Variants in CREB3L2 observed in about 807,000 individuals in gnomAD.
CREB3L2 encodes the protein cAMP responsive element binding protein 3 like 2, also known as cyclic AMP-responsive element-binding protein 3-like protein 2.
Under a neutral mutation model 57.2 loss-of-function variants are expected in CREB3L2, and 23 were observed. The observed-to-expected ratio is 0.40, with a 90% CI of 0.29 to 0.57. The LOEUF (loss-of-function observed/expected upper bound fraction) is 0.57. Among genes scored for constraint, CREB3L2 ranks in the 20% least tolerant of loss-of-function variants. The pLI, the probability that CREB3L2 is intolerant of heterozygous loss-of-function variation, is 0.42. For missense variants in CREB3L2, 628 were observed against 634.7 expected (o/e 0.99, Z 0.11); for synonymous variants, 268 against 265.1 (o/e 1.01, Z -0.11).
chr7:137,931,250 C>T (rs528586703), intron 1 of CREB3L2, among the ~76,000 whole-genome samples: 4 of 149,476 alleles, frequency 2.7e-5, no homozygotes, highest in East Asian at 2.0e-4. Flanking sequence ...AGGCCAAGCA[C>T]GGTGGTTCAC....
Position 137,880,591 on chromosome 7 carries a change from A to G in CREB3L2, c.1488-40T>C. 6.8e-7 allele frequency: 1 copy of G among 1,476,628 alleles called. No individual in the cohort carries two copies. Among genetic ancestry groups the G allele is most frequent in the Non-Finnish European group, 9.5e-7 (1 of 1,056,166 alleles). The allele number at this position is 1,476,628 out of a possible 1,614,324, so 91.5% of individuals were successfully genotyped here. Reference sequence around the variant, plus strand: ...AAAGGAAAACGAAGTATTAGTCACCAGCTGTTAGCTACAATTCTCATGCTT... The same window carrying G: ...AAAGGAAAACGAAGTATTAGTCACCGGCTGTTAGCTACAATTCTCATGCTT... On this transcript the variant is annotated intron_variant, in intron 11 of 11. Transcript: ENST00000330387. The surrounding 1 kb of genome is among the most constrained non-coding windows in gnomAD (Gnocchi z 4.0).
chr7:137,891,265 T>TAGGGCCCATA (rs1401971438), intron 8 of CREB3L2, among the ~76,000 whole-genome samples: 1 of 152,186 alleles, frequency 6.6e-6, no homozygotes, highest in Non-Finnish European at 1.5e-5. Context: ...TTGGGAGGCA[T>TAGGGCCCATA]ATCAAAGGAA....
intron 1 of CREB3L2, among the ~76,000 whole-genome samples, chr7:138,000,177 T>A (rs1198873937): frequency 6.6e-6 from 1 of 152,202 alleles, no homozygotes; most frequent in Admixed American, 6.5e-5. Context: ...GAAAGAATAC[T>A]TCAAGAACAA....
At chr7:137,929,870 A>G (rs887540956) in intron 1 of CREB3L2, among the ~76,000 whole-genome samples, 5 of 149,700 alleles carry the variant, frequency 3.3e-5, no homozygotes, top group African/African-American at 7.3e-5. Flanking sequence ...CTCCATCTCA[A>G]AATAAATAAA....
At chr7:137,998,485 T>C (rs1047802554) in intron 1 of CREB3L2, among the ~76,000 whole-genome samples, 1 of 152,222 alleles carries the variant, frequency 6.6e-6, no homozygotes, top group South Asian at 2.1e-4. Context: ...TCTTATTCAG[T>C]TCCTTCTCTT....
chr7:137,888,270 T>G (rs540041351), intron 8 of CREB3L2, among the ~76,000 whole-genome samples: 1 of 152,296 alleles, frequency 6.6e-6, no homozygotes, highest in Admixed American at 6.5e-5. Context: ...CAGCACCATT[T>G]TCTTTAAAAG....
chr7:137,969,076 G>A (rs1801456103), intron 1 of CREB3L2, among the ~76,000 whole-genome samples: 1 of 152,098 alleles, frequency 6.6e-6, no homozygotes, highest in African/African-American at 2.4e-5. Flanking sequence ...AGTCAGGAAG[G>A]GCAGAGAGCT....
chr7:137,915,567 C>T (rs1240123422), intron 3 of CREB3L2, among the ~76,000 whole-genome samples: 1 of 152,006 alleles, frequency 6.6e-6, no homozygotes, highest in East Asian at 1.9e-4. Context: ...TAGATATTTT[C>T]TGTGTTTTTT....
chr7:137,963,936 C>T (rs1389182191), intron 1 of CREB3L2, among the ~76,000 whole-genome samples: 1 of 152,068 alleles, frequency 6.6e-6, no homozygotes, highest in East Asian at 1.9e-4. Context: ...GATGACAACA[C>T]CAAAGTAAGA....
At chr7:137,901,889 A>G (rs1231857199) in intron 7 of CREB3L2, among the ~76,000 whole-genome samples, 6 of 148,744 alleles carry the variant, frequency 4.0e-5, no homozygotes, top group South Asian at 2.1e-4. Flanking sequence ...AAAAAAAAAA[A>G]AAAGAAAAAT....
intron 1 of CREB3L2, among the ~76,000 whole-genome samples, chr7:137,951,615 G>T (rs1376571434): frequency 6.6e-6 from 1 of 152,134 alleles, no homozygotes; most frequent in Non-Finnish European, 1.5e-5. Flanking sequence ...AATTATTGGC[G>T]AAATGTCTGT....
chr7:137,920,566 A>G (rs77159727), intron 2 of CREB3L2, among the ~76,000 whole-genome samples: 16 of 152,346 alleles, frequency 1.1e-4, no homozygotes, highest in African/African-American at 3.8e-4. Flanking sequence ...CAACAGAGCT[A>G]GCTGATACAA....
intron 1 of CREB3L2, among the ~76,000 whole-genome samples, chr7:137,933,317 C>T (rs1343422855): frequency 6.6e-6 from 1 of 152,202 alleles, no homozygotes; most frequent in Non-Finnish European, 1.5e-5. Context: ...GCTGTGCTGG[C>T]CACTAAAGCT....
At chr7:137,905,648 T>G in intron 6 of CREB3L2, 54 bp downstream of exon 6, 2 of 1,591,718 alleles carry the variant, frequency 1.3e-6, no homozygotes, top group South Asian at 1.1e-5. Context: ...AAAGGGATGC[T>G]GACTCGATTC....
rs1172682998 is a variant in CREB3L2, at chr7:137,879,915, G to A, written c.*561C>T. On this transcript the variant is annotated 3_prime_UTR_variant, in exon 12 of 12. Transcript: ENST00000330387. ...CCTGAGAATATGAACGAGAGCCCTC[G>A]CCTGCCAGTGCTGCTGCAGGAGACG... 1.3e-5 allele frequency: 3 copies of A among 235,342 alleles called. No homozygotes were observed. The highest frequency in any genetic ancestry group is 2.5e-5 in the Non-Finnish European group (3 of 119,564). 14.6% of individuals were successfully genotyped at this position (235,342 alleles called of 1,614,324 possible).
At chr7:137,968,360 A>C (rs1801444305) in intron 1 of CREB3L2, among the ~76,000 whole-genome samples, 2 of 150,480 alleles carry the variant, frequency 1.3e-5, no homozygotes, top group Admixed American at 6.6e-5. Flanking sequence ...TCCATCCCCC[A>C]GCCCCAGACT....
chr7:137,994,679 C>G (rs1312888645), intron 1 of CREB3L2, among the ~76,000 whole-genome samples: 1 of 152,152 alleles, frequency 6.6e-6, no homozygotes, highest in Non-Finnish European at 1.5e-5. Context: ...GACGTGATAG[C>G]TCATGCCTGT....
At chr7:137,967,307 G>A (rs1801424809) in intron 1 of CREB3L2, among the ~76,000 whole-genome samples, 2 of 152,216 alleles carry the variant, frequency 1.3e-5, no homozygotes, top group South Asian at 2.1e-4. Flanking sequence ...GGCAAAAGGT[G>A]AGTGAATCTC....
At chr7:137,886,290 TA>T (rs1421341833) in intron 8 of CREB3L2, among the ~76,000 whole-genome samples, 1 of 150,554 alleles carries the variant, frequency 6.6e-6, no homozygotes, top group Non-Finnish European at 1.5e-5. Flanking sequence ...GAAGGAAAAA[TA>T]AAAAATGACC....
Sources: allele counts gnomAD v4.1 joint callset (sites outside exome capture counted in the v4.1 genomes callset), GRCh38; gene constraint gnomAD v4.1.1; non-coding constraint Gnocchi (gnomAD v3.1); transcripts MANE v1.5; gene names NCBI Gene and HGNC (gene_info 2026-07-23, HGNC 2026-07-21).